MED28: variants seen among roughly 807,000 people sequenced by gnomAD.
The protein encoded by MED28 is mediator of RNA polymerase II transcription subunit 28.
MED28 carries 26 observed loss-of-function variants against 21.3 expected under a neutral mutation model. That is an observed-to-expected ratio of 1.22 (90% CI 0.89 to 1.69). The LOEUF (loss-of-function observed/expected upper bound fraction) is 1.69. Among genes scored for constraint, MED28 ranks in the 40% most tolerant of loss-of-function variants. MED28 has a pLI of 0.00. For missense variants in MED28, 257 were observed against 215.4 expected (o/e 1.19, Z -1.21); for synonymous variants, 110 against 87.6 (o/e 1.26, Z -1.43).
intron 1 of MED28, among the ~76,000 whole-genome samples, chr4:17,615,432 A>G (rs1229561221): frequency 2.6e-5 from 4 of 152,228 alleles, no homozygotes; most frequent in African/African-American, 9.6e-5. Flanking sequence ...GGTGATTTCC[A>G]GTAGTCTTTA....
At chr4:17,618,959 A>G (rs1428198441) in intron 1 of MED28, among the ~76,000 whole-genome samples, 1 of 152,242 alleles carries the variant, frequency 6.6e-6, no homozygotes, top group Non-Finnish European at 1.5e-5. Flanking sequence ...AAGGGCCCTC[A>G]CATGTAGGTA....
At position 17,632,030 on chromosome 4, in the gene MED28, TG is replaced by T. The variant is rs2108923362; in HGVS notation, c.*8234del. 6.7e-6 allele frequency: 1 copy of T among 148,484 alleles called. No individual in the cohort carries two copies. Among genetic ancestry groups the T allele is most frequent in the Non-Finnish European group, 1.5e-5 (1 of 67,142 alleles). 9.2% of individuals were successfully genotyped at this position (148,484 alleles called of 1,614,324 possible). The stretch of plus-strand genomic sequence containing the variant: ...TCCTATAGATGACTTTTAATAACAC[TG>T]GTTTAATGTCAATTTTTTTTTTTTT... On this transcript the variant is annotated 3_prime_UTR_variant, in exon 4 of 4. Transcript: ENST00000237380.
chr4:17,619,805 C>T (rs1264529518), intron 1 of MED28, 96 bp from the exon 2 acceptor site: 2 of 1,025,134 alleles, frequency 2.0e-6, no homozygotes, highest in Non-Finnish European at 3.0e-6. Context: ...GCTGCCACCT[C>T]ATCAGATGAC....
At chr4:17,618,637 C>T (rs1261280502) in intron 1 of MED28, among the ~76,000 whole-genome samples, 7 of 152,198 alleles carry the variant, frequency 4.6e-5, no homozygotes, top group African/African-American at 7.2e-5. Context: ...CTGCCTCAGC[C>T]TCCCGAGTAG....
Position 17,630,791 on chromosome 4 carries a change from TA to T in MED28, c.*6995del, listed in dbSNP as rs1426145474. ...TATATGTAATCAGCTTTTTTTTTTT[TA>T]AGATGGTGTGATTGAGGTTAATGTG... On this transcript the variant is annotated 3_prime_UTR_variant, in exon 4 of 4. Coordinates refer to ENST00000237380, the MANE Select transcript of MED28 (RefSeq NM_025205.5). The T allele has an allele frequency of 6.8e-6, 1 of 147,848 alleles. No homozygotes were observed. The highest frequency in any genetic ancestry group is 1.5e-5 in the Non-Finnish European group (1 of 66,570). The allele number at this position is 147,848 out of a possible 1,614,324, so 9.2% of individuals were successfully genotyped here.
Position 17,632,476 on chromosome 4 carries a change from A to G in MED28, c.*8678A>G, listed in dbSNP as rs1327843332. 7.4e-7 allele frequency: 1 copy of G among 1,360,102 alleles called. No individual in the cohort carries two copies. Among genetic ancestry groups the G allele is most frequent in the South Asian group, 1.3e-5 (1 of 77,710 alleles). 84.3% of individuals were successfully genotyped at this position (1,360,102 alleles called of 1,614,324 possible). On this transcript the variant is annotated 3_prime_UTR_variant, in exon 4 of 4. Transcript: ENST00000237380. ...GGTGTTAGTTCATTCCTTCAATCGG[A>G]TGATTTAAAATAAATGTTTTTCAAG...
chr4:17,633,828 C>T lies in MED28; in HGVS notation c.*10030C>T, dbSNP rs1348547485. On this transcript the variant is annotated 3_prime_UTR_variant, in exon 4 of 4. Coordinates refer to ENST00000237380, the MANE Select transcript of MED28 (RefSeq NM_025205.5). ...AGATCGCCACTCAGAAAGTTCTTTG[C>T]ATAGGAGGCGAGGTTCGGCACGCTG... 1.9e-6 allele frequency: 3 copies of T among 1,551,510 alleles called. No individual in the cohort carries two copies. The Admixed American group carries it at 5.9e-5, about 30-fold the overall frequency.
rs1181554569 is a variant in MED28, at chr4:17,623,924, C to T, written c.*126C>T. 2.8e-6 allele frequency: 3 copies of T among 1,077,594 alleles called. No homozygotes were observed. Among genetic ancestry groups the T allele is most frequent in the Non-Finnish European group, 4.0e-6 (3 of 755,518 alleles). 66.8% of individuals were successfully genotyped at this position (1,077,594 alleles called of 1,614,324 possible). ...ATAATGAGTTCATTTTAGTTTTATG[C>T]TCCCATTGAAAAATTTTCCACTATT... On this transcript the variant is annotated 3_prime_UTR_variant, in exon 4 of 4. Transcript: ENST00000237380.
In MED28 at chr4:17,628,332, ATATATG is replaced by A. The variant is rs1714825440; in HGVS notation, c.*4536_*4541del. On this transcript the variant is annotated 3_prime_UTR_variant, in exon 4 of 4. Coordinates refer to ENST00000237380, the MANE Select transcript of MED28 (RefSeq NM_025205.5). ...TATATGTGTATGTATGTGTGTATAT[ATATATG>A]TGTGTGTGTATATATATATATGCAA... 1 of 150,394 alleles carries A rather than the reference ATATATG, an allele frequency of 6.6e-6. No homozygotes were observed. The highest frequency in any genetic ancestry group is 1.5e-5 in the Non-Finnish European group (1 of 67,816). 9.3% of individuals were successfully genotyped at this position (150,394 alleles called of 1,614,324 possible).
At chr4:17,623,355 C>T (rs1022525433) in intron 3 of MED28, among the ~76,000 whole-genome samples, 9 of 147,048 alleles carry the variant, frequency 6.1e-5, no homozygotes, top group South Asian at 2.1e-4. Flanking sequence ...GAGCCGAGAC[C>T]GCACCACTGC....
In MED28 at chr4:17,628,257, T is replaced by TGTGTGTGG. The variant is rs1714819509; in HGVS notation, c.*4466_*4467insGGTGTGTG. 1.6e-5 allele frequency: 2 copies of TGTGTGTGG among 127,056 alleles called. No homozygotes were observed. Among genetic ancestry groups the TGTGTGTGG allele is most frequent in the Admixed American group, 1.5e-4 (2 of 13,220 alleles). The allele number at this position is 127,056 out of a possible 1,614,324, so 7.9% of individuals were successfully genotyped here. Reference sequence around the variant, plus strand: ...TGGTTAAAACGAGTGACAGCTGCCGTGTGTGTGTGTGTGTGTGTGTGTGTG... The same window carrying TGTGTGTGG: ...TGGTTAAAACGAGTGACAGCTGCCGTGTGTGTGGGTGTGTGTGTGTGTGTGTGTGTGTG... On this transcript the variant is annotated 3_prime_UTR_variant, in exon 4 of 4. Transcript: ENST00000237380.
At chr4:17,622,068 C>T (rs567699451) in intron 3 of MED28, among the ~76,000 whole-genome samples, 2 of 152,350 alleles carry the variant, frequency 1.3e-5, no homozygotes, top group East Asian at 3.9e-4. Context: ...CAGTGCCTTG[C>T]ACACAGGAAT....
Position 17,632,608 on chromosome 4 carries a change from G to T in MED28, c.*8810G>T. ...CTGCTGGACTTCTTTGGCTTGGGCC[G>T]TTTCACCATCTGGGGTCCTAAAAGC... On this transcript the variant is annotated 3_prime_UTR_variant, in exon 4 of 4. Coordinates refer to ENST00000237380, the MANE Select transcript of MED28 (RefSeq NM_025205.5). 1.3e-6 allele frequency: 2 copies of T among 1,550,176 alleles called. No individual in the cohort carries two copies. The highest frequency in any genetic ancestry group is 1.7e-6 in the Non-Finnish European group (2 of 1,146,346).
In MED28 at chr4:17,632,412, C is replaced by A; in HGVS notation, c.*8614C>A. The stretch of plus-strand genomic sequence containing the variant: ...GTGTTAACGCCAAAATTTGTTTTAG[C>A]TATCATATATAAATCATAAGCATAT... On this transcript the variant is annotated 3_prime_UTR_variant, in exon 4 of 4. Coordinates refer to ENST00000237380, the MANE Select transcript of MED28 (RefSeq NM_025205.5). The A allele has an allele frequency of 1.2e-6, 1 of 834,948 alleles. No individual in the cohort carries two copies. The highest frequency in any genetic ancestry group is 1.8e-6 in the Non-Finnish European group (1 of 547,580). The allele number at this position is 834,948 out of a possible 1,614,324, so 51.7% of individuals were successfully genotyped here. A position where few individuals can be genotyped will look rare whatever the true frequency, so the allele number is the denominator to read the frequency against.
chr4:17,614,652 A>T lies in MED28; in HGVS notation c.-3A>T. On this transcript the variant is annotated 5_prime_UTR_variant, in exon 1 of 4. Coordinates refer to ENST00000237380, the MANE Select transcript of MED28 (RefSeq NM_025205.5). ...AGTGGATCTCTCTTGCGCCATTCCA[A>T]ACATGGCGGCTCCACTAGGGGGTAT... 1 of 1,606,564 alleles carries T rather than the reference A, an allele frequency of 6.2e-7. No individual in the cohort carries two copies. The highest frequency in any genetic ancestry group is 8.5e-7 in the Non-Finnish European group (1 of 1,177,266).
chr4:17,620,580 G>A (rs1009765949), intron 2 of MED28, among the ~76,000 whole-genome samples: 2 of 152,030 alleles, frequency 1.3e-5, no homozygotes, highest in African/African-American at 2.4e-5. Flanking sequence ...TGATCCATCT[G>A]TCTCAGCCTC....
At chr4:17,622,708 C>T (rs1485630067) in intron 3 of MED28, among the ~76,000 whole-genome samples, 1 of 152,168 alleles carries the variant, frequency 6.6e-6, no homozygotes, top group Non-Finnish European at 1.5e-5. Flanking sequence ...TGTTTTCACC[C>T]TGCTCATAAA....
At chr4:17,621,745 G>A in intron 3 of MED28, 46 bp downstream of exon 3, 1 of 1,248,548 alleles carries the variant, frequency 8.0e-7, no homozygotes, top group Non-Finnish European at 1.2e-6. Flanking sequence ...GAACTAAGTG[G>A]TGCCAGGATT....
chr4:17,625,513 T>C lies in MED28; in HGVS notation c.*1715T>C, dbSNP rs992789440. 13 of 280,900 alleles carry C rather than the reference T, an allele frequency of 4.6e-5. No homozygotes were observed. Among genetic ancestry groups the C allele is most frequent in the Non-Finnish European group, 7.7e-5 (11 of 142,294 alleles). 17.4% of individuals were successfully genotyped at this position (280,900 alleles called of 1,614,324 possible). Reference sequence around the variant, plus strand: ...GGTTTTAGGCGTTCTTTCAAAGAGGTTCTTGAGAAGATTGAGAACTATCCT... The same window carrying C: ...GGTTTTAGGCGTTCTTTCAAAGAGGCTCTTGAGAAGATTGAGAACTATCCT... On this transcript the variant is annotated 3_prime_UTR_variant, in exon 4 of 4. Transcript: ENST00000237380.
Sources: gnomAD v4.1 joint callset for allele counts (sites outside exome capture counted in the v4.1 genomes callset) on GRCh38, gnomAD v4.1.1 for gene constraint, MANE v1.5 for transcripts, NCBI Gene and HGNC (gene_info 2026-07-23, HGNC 2026-07-21) for gene names.